Variants in PLA2G4C observed in about 807,000 individuals in gnomAD.
PLA2G4C encodes cytosolic phospholipase A2 gamma.
Under a neutral mutation model 73.8 loss-of-function variants are expected in PLA2G4C, and 64 were observed. The ratio of observed to expected loss-of-function variants is 0.87; its 90% CI spans 0.71 to 1.07. The LOEUF (loss-of-function observed/expected upper bound fraction) is 1.07. Ranked by LOEUF, PLA2G4C falls within the 50% of genes least tolerant of loss-of-function variation. The pLI, the probability that PLA2G4C is intolerant of heterozygous loss-of-function variation, is 0.00. For synonymous variants in PLA2G4C, 254 were observed against 252.1 expected (o/e 1.01, Z -0.07); for missense variants, 622 against 665.4 (o/e 0.93, Z 0.72).
intron 6 of PLA2G4C, chr19:48,097,251 C>CTTTTTTTTTTTTTTTTTTTTT (rs1176855747): frequency 1.2e-5 from 1 of 86,576 alleles, no homozygotes; most frequent in African/African-American, 4.8e-5. Flanking sequence ...TTTCTTTTTT[C>CTTTTTTTTTTTTTTTTTTTTT]TTTTTTTTTT....
intron 9 of PLA2G4C, among the ~76,000 whole-genome samples, chr19:48,085,953 C>T (rs1445224465): frequency 6.6e-6 from 1 of 152,134 alleles, no homozygotes; most frequent in Non-Finnish European, 1.5e-5. Flanking sequence ...CCCAGGGAAG[C>T]CATTCCTTAT....
At chr19:48,083,849 A>G (rs889836086) in intron 10 of PLA2G4C, among the ~76,000 whole-genome samples, 1 of 152,040 alleles carries the variant, frequency 6.6e-6, no homozygotes, top group African/African-American at 2.4e-5. Context: ...TCAGGCAGAC[A>G]GGCTTTGGAT....
At chr19:48,059,764 CTTTT>C (rs571325645) in intron 14 of PLA2G4C, among the ~76,000 whole-genome samples, 4 of 122,454 alleles carry the variant, frequency 3.3e-5, no homozygotes, top group Admixed American at 8.3e-5. Flanking sequence ...GGCTTCCCTA[CTTTT>C]TTTTTTTTTT....
rs1968684276 is a variant in PLA2G4C at position 48,072,124 on chromosome 19, T to A, written c.1006+2643A>T. On this transcript the variant is annotated intron_variant, in intron 12 of 16. Transcript: ENST00000599921. The surrounding 1 kb of genome is among the most constrained non-coding windows in gnomAD (Gnocchi z 4.4). The stretch of plus-strand genomic sequence containing the variant: ...TTGCACCACCGCACTCCAGCTTGGG[T>A]GACAGAGCGAGACTCCATCTCAAAC... Among the ~76,000 whole-genome samples the A allele has an allele frequency of 6.6e-6, 1 of 151,792 alleles. No individual in the cohort carries two copies. Among genetic ancestry groups the A allele is most frequent in the Admixed American group, 6.6e-5 (1 of 15,216 alleles).
chr19:48,092,896 AAT>A (rs1185711163), intron 7 of PLA2G4C, among the ~76,000 whole-genome samples: 1 of 152,240 alleles, frequency 6.6e-6, no homozygotes, highest in Non-Finnish European at 1.5e-5. Flanking sequence ...GACACTTTAA[AAT>A]GGTTAAAATG....
At chr19:48,049,448 C>G (rs529180440) in intron 16 of PLA2G4C, among the ~76,000 whole-genome samples, 11 of 152,086 alleles carry the variant, frequency 7.2e-5, no homozygotes, top group African/African-American at 1.9e-4. Flanking sequence ...ATGGCACTTA[C>G]TCTCCATGGC....
intron 1 of PLA2G4C, chr19:48,108,934 C>A (rs251698): frequency 0.98 from 148,679 of 152,308 alleles, 72,584 homozygotes; most frequent in East Asian, 1. Context: ...TGTCTCAAAA[C>A]TAAATAAATA....
At chr19:48,087,408 T>C (rs11564567) in intron 9 of PLA2G4C, among the ~76,000 whole-genome samples, 4,196 of 152,216 alleles carry the variant, frequency 0.028, 151 homozygotes, top group African/African-American at 0.084. Flanking sequence ...TTCTGGAACA[T>C]ATCAGGGCGA....
At chr19:48,051,765 T>C (rs1568419082) in intron 16 of PLA2G4C, 1 of 151,838 alleles carries the variant, frequency 6.6e-6, no homozygotes, top group African/African-American at 2.4e-5. Flanking sequence ...ACCATATCGA[T>C]AGAGTAAGTT....
intron 7 of PLA2G4C, among the ~76,000 whole-genome samples, chr19:48,091,888 A>T (rs1184357494): frequency 7.5e-6 from 1 of 133,270 alleles, no homozygotes; most frequent in African/African-American, 2.9e-5. Context: ...CATCTCAAAA[A>T]AAAAAAAAAA....
chr19:48,060,277 A>G (rs1366444), intron 14 of PLA2G4C, among the ~76,000 whole-genome samples: 100,227 of 151,918 alleles, frequency 0.66, 34,071 homozygotes, highest in East Asian at 0.8. Context: ...TTTGACATGC[A>G]TTTTCCATAC....
At chr19:48,082,496 C>CTTTTTTTTTTTTTTTTTT (rs66641645) in intron 10 of PLA2G4C, among the ~76,000 whole-genome samples, 23 of 106,282 alleles carry the variant, frequency 2.2e-4, no homozygotes, top group African/African-American at 3.8e-4. Context: ...TTCTTTCTTT[C>CTTTTTTTTTTTTTTTTTT]TTTTTTTTTT....
Position 48,095,479 on chromosome 19 carries a change from G to C in PLA2G4C, c.694C>G (p.Leu232Val). ...RLVRTHPERD[L>V]TFLRGLWGSA... ...CAGCGCTGACCTCTCAGGAAAGTCA[G>C]GTCTCTCTCAGGGTGAGTTCTGACC... The change falls in exon 7 of 17, where the codon CTG (leucine) becomes GTG (valine). Residue 232 changes from leucine (L) to valine (V), a missense_variant. Physicochemically the swap from Leu to Val is conservative, Grantham distance 32. Transcript: ENST00000599921. The C allele has an allele frequency of 1.2e-6, 2 of 1,614,030 alleles. No homozygotes were observed. Among genetic ancestry groups the C allele is most frequent in the South Asian group, 2.2e-5 (2 of 91,062 alleles).
intron 11 of PLA2G4C, among the ~76,000 whole-genome samples, chr19:48,075,411 T>C (rs558263438): frequency 6.6e-6 from 1 of 151,904 alleles, no homozygotes; most frequent in South Asian, 2.1e-4. Context: ...GGTCTCGAAC[T>C]CCTGACCTCA....
intron 12 of PLA2G4C, among the ~76,000 whole-genome samples, chr19:48,073,818 A>G (rs2029951323): frequency 1.3e-5 from 2 of 151,838 alleles, no homozygotes; most frequent in Non-Finnish European, 1.5e-5. Flanking sequence ...ACACTTCTAA[A>G]CAACCGTATC....
chr19:48,098,403 A>G (rs251681), intron 5 of PLA2G4C, 144 bp from the exon 6 acceptor site: 375,049 of 620,266 alleles, frequency 0.6, 116,060 homozygotes, highest in African/African-American at 0.77. Flanking sequence ...ATGGGCCACT[A>G]CAGCCTCAAC....
chr19:48,087,274 G>A (rs1019321671), intron 9 of PLA2G4C, among the ~76,000 whole-genome samples: 2 of 152,180 alleles, frequency 1.3e-5, no homozygotes, highest in African/African-American at 4.8e-5. Flanking sequence ...CCAACCATCA[G>A]ACAGCCCTGG....
intron 6 of PLA2G4C, among the ~76,000 whole-genome samples, chr19:48,097,531 C>A (rs564620939): frequency 6.6e-6 from 1 of 151,840 alleles, no homozygotes; most frequent in Non-Finnish European, 1.5e-5. Context: ...GGATTACAGG[C>A]GTGAGCCACT....
chr19:48,055,062 C>T lies in PLA2G4C; in HGVS notation c.1258-13G>A, dbSNP rs764244431. 8 of 1,585,054 alleles carry T rather than the reference C, an allele frequency of 5.0e-6. No individual in the cohort carries two copies. The South Asian group carries it at 9.3e-5, about 18-fold the overall frequency. On this transcript the variant is annotated splice_polypyrimidine_tract_variant and intron_variant, in intron 14 of 16. Coordinates refer to ENST00000599921, the MANE Select transcript of PLA2G4C (RefSeq NM_003706.3). ...TAGCCCGGATGGTCTGAGAAGGAGG[C>T]AATAAGAAATGGTTGCAAGACCTCT...
Sources: allele counts gnomAD v4.1 joint callset (sites outside exome capture counted in the v4.1 genomes callset), GRCh38; gene constraint gnomAD v4.1.1; non-coding constraint Gnocchi (gnomAD v3.1); transcripts MANE v1.5; gene names NCBI Gene and HGNC (gene_info 2026-07-23, HGNC 2026-07-21).